The following HNRNPH1 variants were observed in gnomAD, a reference collection of about 807,000 sequenced individuals.
HNRNPH1 encodes the protein heterogeneous nuclear ribonucleoprotein H.
HNRNPH1 carries 4 observed loss-of-function variants against 58.6 expected under a neutral mutation model. That is an observed-to-expected ratio of 0.07 (90% CI 0.03 to 0.16). The LOEUF is 0.16. Ranked by LOEUF, HNRNPH1 falls within the 10% of genes least tolerant of loss-of-function variation. The probability of loss-of-function intolerance (pLI) is 1.00; values close to 1 mark genes in which losing one functional copy is unlikely to be tolerated. For missense variants in HNRNPH1, 271 were observed against 564.2 expected, an observed-to-expected ratio of 0.48 and a Z score of 5.26; for synonymous variants, 192 against 189.2, an observed-to-expected ratio of 1.01 and a Z score of -0.12.
intron 10 of HNRNPH1, 112 bp from the exon 12 acceptor site, chr5:179,616,330 G>A: frequency 3.5e-6 from 3 of 854,448 alleles, no homozygotes; most frequent in Non-Finnish European, 5.9e-6. Flanking sequence ...TTACATTACT[G>A]TAACCCTCTG....
chr5:179,619,828 C>T (rs940151949), intron 3 of HNRNPH1: 1 of 152,608 alleles, frequency 6.6e-6, no homozygotes, highest in Non-Finnish European at 1.5e-5. Context: ...AAAAGGTATA[C>T]ATTTACAACA....
exon 13 of HNRNPH1, chr5:179,614,910 T>TGCAC: frequency 2.6e-6 from 4 of 1,550,232 alleles, no homozygotes; most frequent in Non-Finnish European, 3.5e-6. Context: ...CGCCCATAGA[T>TGCAC]GCACGGCTTC....
At chr5:179,617,176 TAA>T (rs1273394257) in intron 8 of HNRNPH1, 66 bp from the exon 10 acceptor site, 4 of 1,476,648 alleles carry the variant, frequency 2.7e-6, no homozygotes, top group Non-Finnish European at 3.8e-6. Context: ...AGCACTTTTA[TAA>T]AGTTTTTAAA....
chr5:179,624,758 A>C (rs1210911088), upstream of HNRNPH1: 2 of 396,134 alleles, frequency 5.0e-6, no homozygotes, highest in Non-Finnish European at 8.9e-6. Flanking sequence ...GGACACAGAC[A>C]ATACACAAAT....
At chr5:179,617,273 G>T in intron 8 of HNRNPH1, 163 bp from the exon 10 acceptor site, 1 of 761,104 alleles carries the variant, frequency 1.3e-6, no homozygotes, top group Non-Finnish European at 2.1e-6. Flanking sequence ...CCAAAATCTA[G>T]CCTTTACATA....
At chr5:179,619,475 T>C in intron 3 of HNRNPH1, 68 bp from the exon 5 acceptor site, 1 of 1,445,704 alleles carries the variant, frequency 6.9e-7, no homozygotes, top group Non-Finnish European at 9.5e-7. Context: ...GAAATGATTC[T>C]TCTTATAGCT....
At chr5:179,624,380 T>C (rs1052852068) in exon 1 of HNRNPH1, 1 of 396,566 alleles carries the variant, frequency 2.5e-6, no homozygotes, top group African/African-American at 2.1e-5. Context: ...CTCGCGCCTG[T>C]ACCCAGCTTT....
chr5:179,620,642 G>A (rs2127668466), intron 3 of HNRNPH1: 2 of 417,932 alleles, frequency 4.8e-6, no homozygotes, highest in East Asian at 7.9e-5. Context: ...GCTGTTGAGG[G>A]CAATCCTCAA....
At chr5:179,621,180 A>C in intron 2 of HNRNPH1, 62 bp downstream of exon 3, 1 of 1,538,186 alleles carries the variant, frequency 6.5e-7, no homozygotes, top group South Asian at 1.1e-5. Flanking sequence ...AAAATTCAGA[A>C]GGGGTGAGAC....
At position 179,617,768 on chromosome 5, in the gene HNRNPH1, A is replaced by G. The variant is rs778973080; in HGVS notation, c.921+31T>C. ...AAGGCTGACTTACTGCCATACTGAAATATTGACTTGTGAGTTCATCTCACA... is the reference window on the plus strand; with the variant it reads ...AAGGCTGACTTACTGCCATACTGAAGTATTGACTTGTGAGTTCATCTCACA... On this transcript the variant is annotated intron_variant, in intron 7 of 12. Transcript: ENST00000356731. 1.6e-5 allele frequency: 25 copies of G among 1,612,338 alleles called. No individual in the cohort carries two copies. The South Asian group carries it at 2.6e-4, about 17-fold the overall frequency.
At chr5:179,614,661 AGAT>A in exon 13 of HNRNPH1, 1 of 505,048 alleles carries the variant, frequency 2.0e-6, no homozygotes, top group South Asian at 2.7e-5. Context: ...GTTACATCCT[AGAT>A]GAGTATTGTA....
At chr5:179,618,110 A>C in intron 5 of HNRNPH1, 35 bp downstream of exon 6, 1 of 1,613,686 alleles carries the variant, frequency 6.2e-7, no homozygotes, top group South Asian at 1.1e-5. Flanking sequence ...ACAAAGGAAC[A>C]GACGACTTGC....
chr5:179,617,777 T>C, intron 7 of HNRNPH1, 22 bp downstream of exon 8: 2 of 1,613,018 alleles, frequency 1.2e-6, no homozygotes, highest in African/African-American at 1.3e-5. Context: ...AATATTGACT[T>C]GTGAGTTCAT....
exon 11 of HNRNPH1, chr5:179,616,149 C>A: frequency 6.2e-7 from 1 of 1,613,984 alleles, no homozygotes; most frequent in Non-Finnish European, 8.5e-7. Context: ...GCTGCTCTGG[C>A]CACCGTAGCC....
chr5:179,617,383 C>T (rs576513673), intron 8 of HNRNPH1, 131 bp downstream of exon 9: 44 of 1,096,090 alleles, frequency 4.0e-5, no homozygotes, highest in East Asian at 4.7e-5. Context: ...ACACTGCCCC[C>T]GCATCCCCCA....
At chr5:179,620,144 A>C (rs1330857292) in intron 3 of HNRNPH1, 1 of 152,238 alleles carries the variant, frequency 6.6e-6, no homozygotes, top group Non-Finnish European at 1.5e-5. Flanking sequence ...TGACATTAGG[A>C]CTCGATACAT....
At chr5:179,619,588 T>TA in intron 3 of HNRNPH1, 181 bp from the exon 5 acceptor site, 1 of 520,504 alleles carries the variant, frequency 1.9e-6, no homozygotes, top group East Asian at 3.1e-5. Context: ...TTATAAAGTA[T>TA]AACTATTCTT....
chr5:179,620,293 A>G (rs1771730373), intron 3 of HNRNPH1, among the ~76,000 whole-genome samples: 1 of 152,254 alleles, frequency 6.6e-6, no homozygotes, highest in Non-Finnish European at 1.5e-5. Context: ...GCTCTTCAGC[A>G]TAAAAACATT....
intron 8 of HNRNPH1, 142 bp from the exon 10 acceptor site, chr5:179,617,252 C>A (rs1770227535): frequency 6.0e-6 from 5 of 829,694 alleles, no homozygotes; most frequent in African/African-American, 3.5e-5. Flanking sequence ...CTTAGGTGAT[C>A]TACTTTAACT....
Sources: gnomAD v4.1 joint callset for allele counts (sites outside exome capture counted in the v4.1 genomes callset) on GRCh38, gnomAD v4.1.1 for gene constraint, MANE v1.5 for transcripts, NCBI Gene and HGNC (gene_info 2026-07-23, HGNC 2026-07-21) for gene names.